The following ETNK1 variants were observed in gnomAD, a reference collection of about 807,000 sequenced individuals.
ETNK1 encodes ethanolamine kinase 1.
A neutral mutation model predicts 45.1 loss-of-function variants in ETNK1; 8 were observed. The observed-to-expected ratio is 0.18, with a 90% confidence interval of 0.10 to 0.32. ETNK1 has a LOEUF of 0.32. Among genes scored for constraint, ETNK1 ranks in the 10% least tolerant of loss-of-function variants. The pLI, the probability that ETNK1 is intolerant of heterozygous loss-of-function variation, is 1.00. For missense variants in ETNK1, 302 were observed against 430.6 expected (o/e 0.70, Z 2.64); for synonymous variants, 152 against 151.9 (o/e 1.00, Z -0.01).
At chr12:22,641,289 T>C (rs10842045) in intron 1 of ETNK1, among the ~76,000 whole-genome samples, 43,356 of 151,998 alleles carry the variant, frequency 0.29, 6,505 homozygotes, top group Non-Finnish European at 0.33. Flanking sequence ...CTATGACTTA[T>C]GGGCATCTTA....
At chr12:22,626,036 C>G in intron 1 of ETNK1, 1 of 370,836 alleles carries the variant, frequency 2.7e-6, no homozygotes, top group Middle Eastern at 9.0e-4. Context: ...TCATTGATGC[C>G]TCACACTGCG....
At chr12:22,662,961 A>G (rs1423062779) in intron 4 of ETNK1, among the ~76,000 whole-genome samples, 2 of 152,216 alleles carry the variant, frequency 1.3e-5, no homozygotes, top group Non-Finnish European at 2.9e-5. Context: ...CCAAAAATAT[A>G]TTTGAGAATT....
chr12:22,679,678 C>T (rs997345963), intron 6 of ETNK1, among the ~76,000 whole-genome samples: 7 of 150,468 alleles, frequency 4.7e-5, no homozygotes, highest in South Asian at 2.1e-4. Context: ...TTCTCATATT[C>T]GTGTTTTTTG....
intron 5 of ETNK1, 82 bp downstream of exon 5, chr12:22,671,437 TGA>T: frequency 1.1e-6 from 1 of 897,152 alleles, no homozygotes; most frequent in East Asian, 2.5e-5. Context: ...AGATAAACCG[TGA>T]GCAGGGGGAA....
chr12:22,660,048 A>C (rs533997722), intron 3 of ETNK1, among the ~76,000 whole-genome samples: 6,884 of 151,532 alleles, frequency 0.045, 511 homozygotes, highest in African/African-American at 0.16. Flanking sequence ...AAAAAAAAAA[A>C]AAAAAAACAC....
chr12:22,679,634 G>C (rs1954194354), intron 6 of ETNK1, among the ~76,000 whole-genome samples: 1 of 152,050 alleles, frequency 6.6e-6, no homozygotes, highest in South Asian at 2.1e-4. Context: ...CTAGGGAGTG[G>C]GAGTAGTTGC....
At chr12:22,627,363 A>G (rs2137508527) in intron 1 of ETNK1, among the ~76,000 whole-genome samples, 1 of 152,250 alleles carries the variant, frequency 6.6e-6, no homozygotes, top group Admixed American at 6.5e-5. Flanking sequence ...TATAATCCGA[A>G]TTTTTAATAT....
In ETNK1 at chr12:22,685,281, C is replaced by T. The variant is rs1042931612; in HGVS notation, c.*327C>T. ...TTAGCACGATTCTGTGACTGTTTTT[C>T]TCTGTTTCACGTTCGTTGAGTGTAA... is the stretch of plus-strand genomic sequence containing the variant. On this transcript the variant is annotated 3_prime_UTR_variant, in exon 8 of 8. Coordinates refer to ENST00000266517, the MANE Select transcript of ETNK1 (RefSeq NM_018638.5). 2 of 186,578 alleles carry T rather than the reference C, an allele frequency of 1.1e-5. No individual in the cohort carries two copies. The highest frequency in any genetic ancestry group is 4.7e-5 in the African/African-American group (2 of 42,702). The allele number at this position is 186,578 out of a possible 1,614,324, so 11.6% of individuals were successfully genotyped here.
intron 1 of ETNK1, among the ~76,000 whole-genome samples, chr12:22,640,878 A>G (rs1953727305): frequency 6.6e-6 from 1 of 152,184 alleles, no homozygotes; most frequent in Admixed American, 6.5e-5. Context: ...CCCCATTAAA[A>G]GGAGCTCACT....
chr12:22,668,013 T>G (rs1232396519), intron 4 of ETNK1, among the ~76,000 whole-genome samples: 1 of 152,218 alleles, frequency 6.6e-6, no homozygotes, highest in Non-Finnish European at 1.5e-5. Context: ...ATTAATCATA[T>G]ACTTTACTTT....
intron 2 of ETNK1, among the ~76,000 whole-genome samples, chr12:22,655,703 AATAG>A (rs1362028383): frequency 6.7e-6 from 1 of 150,260 alleles, no homozygotes; most frequent in African/African-American, 2.4e-5. Flanking sequence ...TTAAAGTTTA[AATAG>A]ATCAAATTTT....
At chr12:22,674,308 G>A (rs546267523) in intron 6 of ETNK1, among the ~76,000 whole-genome samples, 3 of 152,288 alleles carry the variant, frequency 2.0e-5, no homozygotes, top group South Asian at 4.1e-4. Context: ...ATAAGCCAAA[G>A]CTATTTTAGC....
At chr12:22,667,156 G>A (rs1187956391) in intron 4 of ETNK1, among the ~76,000 whole-genome samples, 1 of 152,128 alleles carries the variant, frequency 6.6e-6, no homozygotes, top group Non-Finnish European at 1.5e-5. Flanking sequence ...TATGAAGAAA[G>A]AGTGACCTAA....
chr12:22,684,760 A>G, intron 7 of ETNK1, 122 bp from the exon 8 acceptor site: 1 of 850,852 alleles, frequency 1.2e-6, no homozygotes, highest in Non-Finnish European at 1.8e-6. Flanking sequence ...AATAAACTAA[A>G]AATATGTCCT....
intron 2 of ETNK1, among the ~76,000 whole-genome samples, chr12:22,655,619 G>A (rs1953931302): frequency 6.6e-6 from 1 of 152,212 alleles, no homozygotes. Flanking sequence ...TTACAGGCAT[G>A]AGCCACCATG....
intron 4 of ETNK1, among the ~76,000 whole-genome samples, chr12:22,668,287 G>T (rs1954074296): frequency 6.6e-6 from 1 of 152,178 alleles, no homozygotes; most frequent in African/African-American, 2.4e-5. Flanking sequence ...TATTAATGCT[G>T]ATGTGGATAT....
intron 1 of ETNK1, among the ~76,000 whole-genome samples, chr12:22,630,570 C>T (rs1382712253): frequency 6.6e-6 from 1 of 152,136 alleles, no homozygotes; most frequent in African/African-American, 2.4e-5. Flanking sequence ...TTTAGGACAT[C>T]ATGGGAAGCC....
In ETNK1 at chr12:22,661,274, A is replaced by G. The variant is rs1953996973; in HGVS notation, c.700+69A>G. 4 of 1,330,972 alleles carry G rather than the reference A, an allele frequency of 3.0e-6. No homozygotes were observed. The African/African-American group carries it at 4.5e-5, about 15-fold the overall frequency. The allele number at this position is 1,330,972 out of a possible 1,614,324, so 82.4% of individuals were successfully genotyped here. ...TGTTCTTAATGGTCATTTTATCTCT[A>G]TATCAACAAAATAAATTCAAATGCA... On this transcript the variant is annotated intron_variant, in intron 4 of 7. Coordinates refer to ENST00000266517, the MANE Select transcript of ETNK1 (RefSeq NM_018638.5).
intron 2 of ETNK1, among the ~76,000 whole-genome samples, chr12:22,653,047 T>C (rs114155830): frequency 2.4e-4 from 37 of 152,316 alleles, no homozygotes; most frequent in African/African-American, 8.4e-4. Flanking sequence ...TTCATTCTTT[T>C]GGATGTGGAT....
Sources: gnomAD v4.1 joint callset for allele counts (sites outside exome capture counted in the v4.1 genomes callset) on GRCh38, gnomAD v4.1.1 for gene constraint, MANE v1.5 for transcripts, NCBI Gene and HGNC (gene_info 2026-07-23, HGNC 2026-07-21) for gene names.